TRAPPC8: variants seen among roughly 807,000 people sequenced by gnomAD.
TRAPPC8 encodes general sporulation gene 1 homolog.
In TRAPPC8, 54 loss-of-function variants were observed where a neutral mutation model predicts 174.3. That is an observed-to-expected ratio of 0.31 (90% CI 0.25 to 0.39). The LOEUF (loss-of-function observed/expected upper bound fraction) is 0.39. Ranked by LOEUF, TRAPPC8 falls within the 10% of genes least tolerant of loss-of-function variation. The pLI is 1.00. For synonymous variants in TRAPPC8, 630 were observed against 579.9 expected (o/e 1.09, Z -1.24); for missense variants, 1,531 against 1,699.1 (o/e 0.90, Z 1.74).
intron 2 of TRAPPC8, among the ~76,000 whole-genome samples, chr18:31,921,875 G>A (rs1224542362): frequency 1.3e-5 from 2 of 152,136 alleles, no homozygotes; most frequent in African/African-American, 4.8e-5. Context: ...ATATGTTTAT[G>A]TCACTTTCTT....
rs1475171811 is a variant in TRAPPC8, at chr18:31,855,828, A to AAC, written c.3189-22_3189-21insGT. 5.1e-6 allele frequency: 8 copies of AAC among 1,580,136 alleles called. No homozygotes were observed. The African/African-American group carries it at 9.7e-5, about 19-fold the overall frequency. On this transcript the variant is annotated intron_variant, in intron 20 of 28. Coordinates refer to ENST00000283351, the MANE Select transcript of TRAPPC8 (RefSeq NM_014939.5). Reference sequence around the variant, plus strand: ...TGTGCCTGAAGTTAAAAAAAAAAAAAAAAGCACATTTAAGCACAGAGTCTC... The same window carrying AAC: ...TGTGCCTGAAGTTAAAAAAAAAAAAAACAAAGCACATTTAAGCACAGAGTCTC...
intron 10 of TRAPPC8, among the ~76,000 whole-genome samples, chr18:31,900,185 G>C (rs1002046521): frequency 7.9e-5 from 12 of 152,250 alleles, no homozygotes; most frequent in Middle Eastern, 3.4e-3. Context: ...AGTGAGCCAA[G>C]ATTGCGCCAC....
Position 31,897,910 on chromosome 18 carries a change from G to A in TRAPPC8, c.1491-19C>T. 1 of 1,597,550 alleles carries A rather than the reference G, an allele frequency of 6.3e-7. No homozygotes were observed. Among genetic ancestry groups the A allele is most frequent in the South Asian group, 1.1e-5 (1 of 89,450 alleles). On this transcript the variant is annotated intron_variant, in intron 10 of 28. Coordinates refer to ENST00000283351, the MANE Select transcript of TRAPPC8 (RefSeq NM_014939.5). ...CATATTCCTATAGAAAAAAGGACAA[G>A]AAGATAAAATAGCACAATAATACCT... is the stretch of plus-strand genomic sequence containing the variant.
intron 26 of TRAPPC8, among the ~76,000 whole-genome samples, chr18:31,840,935 A>T (rs1232698408): frequency 2.0e-5 from 3 of 152,106 alleles, no homozygotes; most frequent in Non-Finnish European, 4.4e-5. Context: ...GACAAATTTT[A>T]AAAAACACAA....
At chr18:31,909,164 C>G (rs1242397439) in intron 6 of TRAPPC8, among the ~76,000 whole-genome samples, 154 bp from the exon 7 acceptor site, 1 of 151,714 alleles carries the variant, frequency 6.6e-6, no homozygotes, top group Non-Finnish European at 1.5e-5. Flanking sequence ...CAGTAACATC[C>G]CCCAGCCCCA....
At chr18:31,840,168 G>C (rs998552686) in intron 26 of TRAPPC8, among the ~76,000 whole-genome samples, 1 of 152,128 alleles carries the variant, frequency 6.6e-6, no homozygotes, top group African/African-American at 2.4e-5. Flanking sequence ...AGGTTAGCCT[G>C]GCCAACATGG....
rs543063813 is a variant in TRAPPC8 at position 31,908,698 on chromosome 18, T to A, written c.1122+56A>T. ...AACTTCAAATACGTTTAATAATTCT[T>A]AAATTTACTATTTACTTAAATTTTT... On this transcript the variant is annotated intron_variant, in intron 7 of 28. Transcript: ENST00000283351. 18 of 1,431,354 alleles carry A rather than the reference T, an allele frequency of 1.3e-5. No homozygotes were observed. The South Asian group carries it at 2.5e-4, about 20-fold the overall frequency. 88.7% of individuals were successfully genotyped at this position (1,431,354 alleles called of 1,614,324 possible).
intron 27 of TRAPPC8, among the ~76,000 whole-genome samples, chr18:31,835,806 C>T (rs1465854372): frequency 6.6e-6 from 1 of 152,294 alleles, no homozygotes; most frequent in South Asian, 2.1e-4. Context: ...ATATTAACAT[C>T]TTTTGATGCA....
At position 31,916,224 on chromosome 18, in the gene TRAPPC8, G is replaced by A. The variant is rs755054803; in HGVS notation, c.617+48C>T. The A allele has an allele frequency of 6.0e-6, 8 of 1,342,748 alleles. No homozygotes were observed. In the Admixed American group the frequency reaches 1.7e-4, roughly 29 times the overall value. The allele number at this position is 1,342,748 out of a possible 1,614,324, so 83.2% of individuals were successfully genotyped here. On this transcript the variant is annotated intron_variant, in intron 4 of 28. Transcript: ENST00000283351. The stretch of plus-strand genomic sequence containing the variant: ...GTAAACAAGCTATCTCCAAATTAAT[G>A]TTAAATCATTTAACTGGAAAAAATT...
At position 31,908,963 on chromosome 18, in the gene TRAPPC8, A is replaced by C. The variant is rs916866780; in HGVS notation, c.913T>G (p.Ser305Ala). The C allele has an allele frequency of 6.2e-7, 1 of 1,612,954 alleles. No homozygotes were observed. The highest frequency in any genetic ancestry group is 1.7e-5 in the Admixed American group (1 of 59,976). The change falls in exon 7 of 29, where the codon TCC (serine) becomes GCC (alanine). Residue 305 changes from serine (S) to alanine (A), a missense_variant. Transcript: ENST00000283351. ...TCAATACTGTTAGAAGGGTCACTGG[A>C]TTGCTCCAACTGAAGTGGGTGAGCT... ...FRAHPLQLEQ[S>A]SDPSNSIDGP... is the part of the protein sequence containing the mutation.
At chr18:31,855,563 T>C (rs2033956025) in intron 21 of TRAPPC8, 97 bp downstream of exon 21, 2 of 1,014,730 alleles carry the variant, frequency 2.0e-6, no homozygotes, top group Non-Finnish European at 2.9e-6. Context: ...ATCCCTAGCT[T>C]ATGCTGTCTT....
intron 12 of TRAPPC8, among the ~76,000 whole-genome samples, chr18:31,886,052 C>T (rs2035695859): frequency 6.6e-6 from 1 of 151,006 alleles, no homozygotes; most frequent in South Asian, 2.1e-4. Context: ...GTTGCCCAGG[C>T]TGGAGTGCAA....
chr18:31,843,497 G>A (rs1251329138), intron 26 of TRAPPC8, among the ~76,000 whole-genome samples: 1 of 152,150 alleles, frequency 6.6e-6, no homozygotes, highest in Non-Finnish European at 1.5e-5. Context: ...TAAAAGACAT[G>A]CTGATTATAG....
At chr18:31,853,290 CAG>C (rs1274884796) in intron 22 of TRAPPC8, among the ~76,000 whole-genome samples, 1 of 152,092 alleles carries the variant, frequency 6.6e-6, no homozygotes, top group Non-Finnish European at 1.5e-5. Context: ...TTTTTTGTGA[CAG>C]AGTCTTACTC....
chr18:31,874,927 T>TAG (rs2035069439), intron 12 of TRAPPC8, among the ~76,000 whole-genome samples: 2 of 152,146 alleles, frequency 1.3e-5, no homozygotes, highest in Admixed American at 1.3e-4. Context: ...GTGCGTTAGA[T>TAG]AGGAGTAGGG....
At chr18:31,865,048 T>A (rs572691187) in intron 18 of TRAPPC8, among the ~76,000 whole-genome samples, 1 of 152,126 alleles carries the variant, frequency 6.6e-6, no homozygotes, top group Non-Finnish European at 1.5e-5. Context: ...CTCTGAAATC[T>A]GTATTTAACC....
intron 13 of TRAPPC8, chr18:31,873,902 T>C (rs781275477): frequency 1.2e-4 from 22 of 186,688 alleles, no homozygotes; most frequent in Non-Finnish European, 2.2e-4. Flanking sequence ...GTAGTTATTT[T>C]CTGCACGATA....
chr18:31,887,276 C>T (rs1273154356), intron 12 of TRAPPC8, among the ~76,000 whole-genome samples: 1 of 152,168 alleles, frequency 6.6e-6, no homozygotes, highest in African/African-American at 2.4e-5. Flanking sequence ...ATGCAGAAAA[C>T]ATTTTTGACA....
chr18:31,853,013 C>CATGATTT (rs1282853211), intron 22 of TRAPPC8: 1 of 243,526 alleles, frequency 4.1e-6, no homozygotes, highest in African/African-American at 2.3e-5. Flanking sequence ...GTTTCATATG[C>CATGATTT]ATGATTTATA....
Sources: gnomAD v4.1 joint callset for allele counts (sites outside exome capture counted in the v4.1 genomes callset) on GRCh38, gnomAD v4.1.1 for gene constraint, MANE v1.5 for transcripts, NCBI Gene and HGNC (gene_info 2026-07-23, HGNC 2026-07-21) for gene names.